Variants in TECPR2 observed in about 807,000 individuals in gnomAD.
TECPR2 encodes the protein tectonin beta-propeller repeat-containing protein 2.
TECPR2 carries 65 observed loss-of-function variants against 138.1 expected under a neutral mutation model. The observed-to-expected ratio is 0.47, with a 90% confidence interval of 0.39 to 0.58. The LOEUF is 0.58. Among genes scored for constraint, TECPR2 ranks in the 20% least tolerant of loss-of-function variants. The pLI, the probability that TECPR2 is intolerant of heterozygous loss-of-function variation, is 0.00. For missense variants in TECPR2, 1,553 were observed against 1,824.5 expected (o/e 0.85, Z 2.71); for synonymous variants, 746 against 749.8 (o/e 0.99, Z 0.08).
At chr14:102,450,097 A>G (rs1890101048) in intron 14 of TECPR2, among the ~76,000 whole-genome samples, 1 of 152,166 alleles carries the variant, frequency 6.6e-6, no homozygotes, top group African/African-American at 2.4e-5. Flanking sequence ...TTCCCCTGGA[A>G]ACCTTTTATG....
chr14:102,444,681 G>C (rs1038270188), intron 12 of TECPR2, among the ~76,000 whole-genome samples: 1 of 152,082 alleles, frequency 6.6e-6, no homozygotes, highest in Non-Finnish European at 1.5e-5. Context: ...TACCTATTAA[G>C]AGCCAGAATG....
At chr14:102,494,824 C>CAA (rs527379957) in intron 17 of TECPR2, among the ~76,000 whole-genome samples, 15 of 64,036 alleles carry the variant, frequency 2.3e-4, no homozygotes, top group African/African-American at 2.7e-4. Flanking sequence ...AACTCCGTCT[C>CAA]AAAAAAAAAA....
rs3783374 is a variant in TECPR2, at chr14:102,419,132, G to T, written c.638+4339G>T. On this transcript the variant is annotated intron_variant, in intron 5 of 19. Coordinates refer to ENST00000359520, the MANE Select transcript of TECPR2 (RefSeq NM_014844.5). This position sits in a 1 kb window ranked among gnomAD's most constrained non-coding sequence, Gnocchi z 4.8. ...GCAGGCTTGTGTTCTGAAGAGGAAAGGGCATCAGGAGAGAACAGGAGTTGG... is the reference window on the plus strand; with the variant it reads ...GCAGGCTTGTGTTCTGAAGAGGAAATGGCATCAGGAGAGAACAGGAGTTGG... Among the ~76,000 whole-genome samples the T allele has an allele frequency of 6.6e-6, 1 of 151,874 alleles. No homozygotes were observed. The highest frequency in any genetic ancestry group is 2.1e-4 in the South Asian group (1 of 4,804).
intron 2 of TECPR2, among the ~76,000 whole-genome samples, chr14:102,402,651 A>T (rs930301751): frequency 1.3e-5 from 2 of 152,160 alleles, no homozygotes; most frequent in African/African-American, 4.8e-5. Context: ...CTTTAGCCAG[A>T]TGGATCAAGA....
intron 2 of TECPR2, among the ~76,000 whole-genome samples, chr14:102,399,234 C>G (rs547879593): frequency 1.3e-5 from 2 of 152,306 alleles, no homozygotes; most frequent in South Asian, 4.1e-4. Context: ...TGCACTCCAG[C>G]CTGGATGACA....
rs1043316784 is a variant in TECPR2, at chr14:102,499,197, G to A, written c.*940G>A. 1.0e-5 allele frequency: 7 copies of A among 700,398 alleles called. No homozygotes were observed. Among genetic ancestry groups the A allele is most frequent in the African/African-American group, 7.0e-5 (4 of 57,240 alleles). The allele number at this position is 700,398 out of a possible 1,614,324, so 43.4% of individuals were successfully genotyped here. The stretch of plus-strand genomic sequence containing the variant: ...GACGGCACAGGAGGGTGCATGGGGC[G>A]TGGGGGAGCTGAGCAAGGGTCGCTC... On this transcript the variant is annotated 3_prime_UTR_variant, in exon 20 of 20. Transcript: ENST00000359520.
chr14:102,416,857 G>C (rs1348566289), intron 5 of TECPR2, among the ~76,000 whole-genome samples: 2 of 152,180 alleles, frequency 1.3e-5, no homozygotes, highest in African/African-American at 2.4e-5. Flanking sequence ...GGTAGCAGGC[G>C]CCTGTAATCC....
At chr14:102,457,889 T>TTTTTTC (rs1890312845) in intron 16 of TECPR2, among the ~76,000 whole-genome samples, 1 of 149,116 alleles carries the variant, frequency 6.7e-6, no homozygotes, top group South Asian at 2.1e-4. Flanking sequence ...TTTTTTTTTT[T>TTTTTTC]TGAGATAGTG....
intron 2 of TECPR2, among the ~76,000 whole-genome samples, chr14:102,382,134 A>G (rs1041648586): frequency 4.6e-5 from 7 of 152,194 alleles, no homozygotes; most frequent in African/African-American, 1.7e-4. Context: ...TCTACTAAAA[A>G]TACAAAAAAT....
chr14:102,456,675 T>C (rs967234439), intron 16 of TECPR2, among the ~76,000 whole-genome samples: 4 of 151,050 alleles, frequency 2.6e-5, no homozygotes, highest in African/African-American at 9.7e-5. Context: ...CTGCAAGCTC[T>C]GCCTCCTGGG....
intron 15 of TECPR2, among the ~76,000 whole-genome samples, chr14:102,451,208 G>A (rs908037112): frequency 6.6e-6 from 1 of 152,190 alleles, no homozygotes; most frequent in African/African-American, 2.4e-5. Context: ...TGGCATCTGC[G>A]GCCGGGAGGG....
At chr14:102,473,866 A>G (rs1890698586) in intron 17 of TECPR2, among the ~76,000 whole-genome samples, 1 of 152,170 alleles carries the variant, frequency 6.6e-6, no homozygotes, top group South Asian at 2.1e-4. Context: ...TGTGTGCCCC[A>G]TGTGCTTGAG....
chr14:102,422,973 A>T (rs1263822098), intron 5 of TECPR2, among the ~76,000 whole-genome samples: 1 of 152,248 alleles, frequency 6.6e-6, no homozygotes, highest in Non-Finnish European at 1.5e-5. Context: ...TTAGCGCCAC[A>T]CATTACGTGT....
Position 102,396,860 on chromosome 14 carries a change from C to T in TECPR2, c.220-10478C>T, listed in dbSNP as rs570493103. Among the ~76,000 whole-genome samples the T allele has an allele frequency of 3.3e-5, 5 of 152,292 alleles. No individual in the cohort carries two copies. The South Asian group carries it at 8.3e-4, about 25-fold the overall frequency. ...ATATTTGGGGTCTGTGCTCTGACTGCTGATTGCTGCTTCTGATCGTAGAGG... is the reference window on the plus strand; with the variant it reads ...ATATTTGGGGTCTGTGCTCTGACTGTTGATTGCTGCTTCTGATCGTAGAGG... On this transcript the variant is annotated intron_variant, in intron 2 of 19. Coordinates refer to ENST00000359520, the MANE Select transcript of TECPR2 (RefSeq NM_014844.5).
Position 102,455,481 on chromosome 14 carries a change from C to T in TECPR2, c.3640+2854C>T, listed in dbSNP as rs147023761. ...TTTTTTTTCCAGGTGGGGTCTCACT[C>T]TGTCATCCAGGCTAGAGTGCAGTGG... is the stretch of plus-strand genomic sequence containing the variant. On this transcript the variant is annotated intron_variant, in intron 16 of 19. Coordinates refer to ENST00000359520, the MANE Select transcript of TECPR2 (RefSeq NM_014844.5). Among the ~76,000 whole-genome samples, 516 of 152,294 alleles carry T rather than the reference C, an allele frequency of 3.4e-3. 5 individuals carry two copies. Among genetic ancestry groups the T allele is most frequent in the African/African-American group, 0.012 (486 of 41,550 alleles).
rs189689089 is a variant in TECPR2, at chr14:102,374,169, T to C, written c.-72-2481T>C. ...AGGGAATTATTATTCCAGCATTGAA[T>C]TGGGGTCATATTGAAGAAAAAATGA... On this transcript the variant is annotated intron_variant, in intron 1 of 19. Transcript: ENST00000359520. Among the ~76,000 whole-genome samples, 6 of 151,984 alleles carry C rather than the reference T, an allele frequency of 3.9e-5. No individual in the cohort carries two copies. In the East Asian group the frequency reaches 7.7e-4, roughly 20 times the overall value.
At chr14:102,431,680 T>C in intron 7 of TECPR2, 116 bp from the exon 8 acceptor site, 1 of 1,077,808 alleles carries the variant, frequency 9.3e-7, no homozygotes, top group Admixed American at 2.3e-5. Context: ...ATCATTCAGT[T>C]CTTTAGCTGG....
Position 102,434,720 on chromosome 14 carries a change from C to T in TECPR2, c.1903C>T (p.Pro635Ser), listed in dbSNP as rs1889609274. The T allele has an allele frequency of 1.2e-6, 2 of 1,613,628 alleles. No individual in the cohort carries two copies. The highest frequency in any genetic ancestry group is 1.7e-6 in the Non-Finnish European group (2 of 1,180,002). The change falls in exon 9 of 20, where the codon CCC (proline) becomes TCC (serine). Residue 635 changes from proline to serine, a missense_variant. By Grantham distance (74) the Pro-to-Ser change is moderately conservative. Transcript: ENST00000359520. ...TGGGGAAGACATCCAACCCATTGGC[C>T]CCCAAAGCACTTTTTGTGAAGTCCC... is the stretch of plus-strand genomic sequence containing the variant. ...HDGEDIQPIG[P>S]QSTFCEVPLL... is the part of the protein sequence containing the mutation.
rs1471422470 is a variant in TECPR2 at position 102,434,713 on chromosome 14, C to T, written c.1896C>T (p.Pro632=). The T allele has an allele frequency of 6.2e-7, 1 of 1,613,756 alleles. No homozygotes were observed. Among genetic ancestry groups the T allele is most frequent in the Admixed American group, 1.7e-5 (1 of 60,002 alleles). ...PGAHDGEDIQ[P]IGPQSTFCEV... is the part of the protein sequence containing the mutation. Reference sequence around the variant, plus strand: ...CGCATGATGGGGAAGACATCCAACCCATTGGCCCCCAAAGCACTTTTTGTG... The same window carrying T: ...CGCATGATGGGGAAGACATCCAACCTATTGGCCCCCAAAGCACTTTTTGTG... The change falls in exon 9 of 20, where the codon CCC becomes CCT. Residue 632 remains proline, a synonymous_variant. Transcript: ENST00000359520.
Sources: allele counts gnomAD v4.1 joint callset (sites outside exome capture counted in the v4.1 genomes callset), GRCh38; gene constraint gnomAD v4.1.1; non-coding constraint Gnocchi (gnomAD v3.1); transcripts MANE v1.5; gene names NCBI Gene and HGNC (gene_info 2026-07-23, HGNC 2026-07-21).